TCF12: variants seen among roughly 807,000 people sequenced by gnomAD.
The protein encoded by TCF12 is DNA-binding protein HTF4.
A neutral mutation model predicts 86.0 loss-of-function variants in TCF12; 45 were observed. The ratio of observed to expected loss-of-function variants is 0.52; its 90% confidence interval spans 0.41 to 0.67. TCF12 has a LOEUF of 0.67. Ranked by LOEUF, TCF12 falls within the 30% of genes least tolerant of loss-of-function variation. The pLI, the probability that TCF12 is intolerant of heterozygous loss-of-function variation, is 0.00. For synonymous variants in TCF12, 330 were observed against 299.6 expected, an observed-to-expected ratio of 1.10 and a Z score of -1.05; for missense variants, 881 against 859.9, an observed-to-expected ratio of 1.02 and a Z score of -0.31.
chr15:57,001,016 T>A (rs1211477829), intron 3 of TCF12, among the ~76,000 whole-genome samples: 1 of 147,024 alleles, frequency 6.8e-6, no homozygotes, highest in African/African-American at 2.5e-5. Context: ...AAAAAAATTT[T>A]TTTTTTTTTT....
At chr15:57,042,431 A>G (rs1340518642) in intron 3 of TCF12, among the ~76,000 whole-genome samples, 5 of 151,986 alleles carry the variant, frequency 3.3e-5, no homozygotes, top group Non-Finnish European at 5.9e-5. Context: ...TCTAATATAT[A>G]TAGACAAAGT....
chr15:57,240,757 G>A (rs940302347), intron 12 of TCF12, among the ~76,000 whole-genome samples: 1 of 151,598 alleles, frequency 6.6e-6, no homozygotes, highest in Non-Finnish European at 1.5e-5. Flanking sequence ...GTGAGGGCTT[G>A]TAGTCCCAGC....
At chr15:56,918,362 T>G (rs1258594803), upstream of TCF12, 6 of 412,710 alleles carry the variant, frequency 1.5e-5, no homozygotes, top group East Asian at 1.5e-4. Flanking sequence ...CCACGGTACC[T>G]GCCACCCCGC....
chr15:56,967,978 C>A (rs1444539741), intron 3 of TCF12, among the ~76,000 whole-genome samples: 1 of 151,990 alleles, frequency 6.6e-6, no homozygotes, highest in Non-Finnish European at 1.5e-5. Flanking sequence ...TTTTTTGAGG[C>A]AGAGCCTTGC....
At chr15:57,154,847 G>T (rs184250060) in intron 5 of TCF12, among the ~76,000 whole-genome samples, 25 of 152,128 alleles carry the variant, frequency 1.6e-4, no homozygotes, top group African/African-American at 5.5e-4. Flanking sequence ...GAATATTTAA[G>T]ATATATATAG....
intron 16 of TCF12, among the ~76,000 whole-genome samples, chr15:57,255,713 A>C (rs1736414818): frequency 6.6e-6 from 1 of 151,884 alleles, no homozygotes; most frequent in Non-Finnish European, 1.5e-5. Flanking sequence ...CAAACTCCTG[A>C]CCTTGTGATC....
At chr15:57,278,193 A>G (rs1216593856) in intron 19 of TCF12, among the ~76,000 whole-genome samples, 1 of 152,136 alleles carries the variant, frequency 6.6e-6, no homozygotes, top group Non-Finnish European at 1.5e-5. Flanking sequence ...TGCATAATCA[A>G]CAAAGACAAA....
intron 3 of TCF12, among the ~76,000 whole-genome samples, chr15:56,985,386 T>G (rs1300031078): frequency 1.3e-5 from 2 of 152,268 alleles, no homozygotes; most frequent in African/African-American, 4.8e-5. Flanking sequence ...CTACTAAAAT[T>G]GTGAGTCAGA....
intron 5 of TCF12, among the ~76,000 whole-genome samples, chr15:57,094,759 C>A (rs1435628565): frequency 6.6e-6 from 1 of 152,138 alleles, no homozygotes; most frequent in Non-Finnish European, 1.5e-5. Context: ...TTTCCTGTTG[C>A]TGTCAACATA....
intron 5 of TCF12, among the ~76,000 whole-genome samples, chr15:57,160,249 A>G (rs1286378501): frequency 6.6e-6 from 1 of 152,214 alleles, no homozygotes; most frequent in African/African-American, 2.4e-5. Flanking sequence ...GGCCTCAGGA[A>G]ACTTAAATCA....
chr15:57,160,330 GA>G (rs1330581916), intron 5 of TCF12, among the ~76,000 whole-genome samples: 7 of 152,128 alleles, frequency 4.6e-5, no homozygotes, highest in African/African-American at 1.7e-4. Context: ...GCAAAGGGGG[GA>G]AAAGTCCCTT....
intron 8 of TCF12, among the ~76,000 whole-genome samples, chr15:57,215,937 G>A (rs1221010389): frequency 2.0e-5 from 3 of 152,148 alleles, no homozygotes; most frequent in Admixed American, 6.5e-5. Flanking sequence ...AGATGGAAGA[G>A]GGAAATTTTG....
intron 5 of TCF12, among the ~76,000 whole-genome samples, chr15:57,135,868 A>G (rs1447328157): frequency 6.6e-6 from 1 of 152,174 alleles, no homozygotes; most frequent in Non-Finnish European, 1.5e-5. Context: ...GAATGCTTAA[A>G]TACATTGTTG....
chr15:57,208,823 C>T (rs190228004), intron 8 of TCF12, among the ~76,000 whole-genome samples: 146 of 152,152 alleles, frequency 9.6e-4, no homozygotes, highest in African/African-American at 3.5e-3. Context: ...AGAGGCAGTC[C>T]TCCCACCTCA....
In TCF12 at chr15:57,081,788, C is replaced by T. The variant is rs190124260; in HGVS notation, c.223-10001C>T. Among the ~76,000 whole-genome samples the T allele has an allele frequency of 3.9e-5, 6 of 152,146 alleles. No individual in the cohort carries two copies. In the East Asian group the frequency reaches 1.2e-3, roughly 30 times the overall value. ...TTCACCATGTTGGCCAGGCTGGTCT[C>T]GAACTCCTGACCTCAAGTGATCCAC... On this transcript the variant is annotated intron_variant, in intron 4 of 20. Transcript: ENST00000333725.
intron 4 of TCF12, among the ~76,000 whole-genome samples, chr15:57,087,109 C>CTCTT (rs1208149379): frequency 4.0e-5 from 6 of 151,390 alleles, no homozygotes; most frequent in African/African-American, 1.5e-4. Context: ...CTCTCTCCCT[C>CTCTT]TCCCTCTCCC....
At chr15:57,254,431 G>C (rs2060252929) in intron 16 of TCF12, among the ~76,000 whole-genome samples, 1 of 152,110 alleles carries the variant, frequency 6.6e-6, no homozygotes, top group South Asian at 2.1e-4. Context: ...ATTTTCAGCA[G>C]CATGGGTAAC....
At chr15:57,171,696 C>T (rs927017347) in intron 6 of TCF12, among the ~76,000 whole-genome samples, 1 of 152,212 alleles carries the variant, frequency 6.6e-6, no homozygotes, top group Admixed American at 6.5e-5. Flanking sequence ...ATCACATTAA[C>T]TGATGAGCCA....
In TCF12 at chr15:56,976,343, G is replaced by C. The variant is rs533968572; in HGVS notation, c.148+55245G>C. Among the ~76,000 whole-genome samples, 1,253 of 142,520 alleles carry C rather than the reference G, an allele frequency of 8.8e-3. 8 individuals are homozygous for C. Among genetic ancestry groups the C allele is most frequent in the Non-Finnish European group, 0.014 (950 of 66,840 alleles). The allele number at this position is 142,520 out of a possible 152,430, so 93.5% of individuals were successfully genotyped here. On this transcript the variant is annotated intron_variant, in intron 3 of 20. Transcript: ENST00000333725. ...ACTTCCGGGTTCACGCCATTCTCCT[G>C]CCTCAGCCTCCCAAGTAGCTGGAAG...
Sources: allele counts gnomAD v4.1 joint callset (sites outside exome capture counted in the v4.1 genomes callset), GRCh38; gene constraint gnomAD v4.1.1; transcripts MANE v1.5; gene names NCBI Gene and HGNC (gene_info 2026-07-23, HGNC 2026-07-21).